The following MYBBP1A variants were observed in gnomAD, a reference collection of about 807,000 sequenced individuals.
The protein encoded by MYBBP1A is myb-binding protein 1A.
MYBBP1A carries 147 observed loss-of-function variants against 136.3 expected under a neutral mutation model. That is an observed-to-expected ratio of 1.08 (90% confidence interval 0.94 to 1.24). MYBBP1A has a LOEUF of 1.24. Among genes scored for constraint, MYBBP1A ranks in the 50% most tolerant of loss-of-function variants. MYBBP1A has a pLI of 0.00. For synonymous variants in MYBBP1A, 947 were observed against 735.8 expected (o/e 1.29, Z -4.65); for missense variants, 2,060 against 1,727.4 (o/e 1.19, Z -3.41).
At chr17:4,544,697 C>CGGGGGTGGGCGCACAGGGAGGCGGGG in intron 18 of MYBBP1A, 51 bp from the exon 19 acceptor site, 2 of 292,094 alleles carry the variant, frequency 6.8e-6, no homozygotes, top group Non-Finnish European at 5.5e-6. Context: ...CACAGGGAGG[C>CGGGGGTGGGCGCACAGGGAGGCGGGG]GGGGGTGGGC....
At chr17:4,550,007 G>T (rs1257028575) in intron 9 of MYBBP1A, 51 bp downstream of exon 9, 4 of 1,557,370 alleles carry the variant, frequency 2.6e-6, no homozygotes, top group Admixed American at 1.8e-5. Context: ...GGCTCTGCAG[G>T]CCTAGGAAGT....
Position 4,539,948 on chromosome 17 carries a change from TCTTCTCCAA to T in MYBBP1A, c.3445_3453del (p.Leu1149_Lys1151del). The T allele has an allele frequency of 6.3e-7, 1 of 1,598,372 alleles. No homozygotes were observed. The highest frequency in any genetic ancestry group is 8.5e-7 in the Non-Finnish European group (1 of 1,179,378). On this transcript the variant is annotated inframe_deletion, in exon 26 of 26. Transcript: ENST00000254718. ...GCACTGGGGATCTCCTTGGCATCCT[TCTTCTCCAA>T]CTTGGGGCGCCTGAAGGGAAGTGAG... is the stretch of plus-strand genomic sequence containing the variant.
Position 4,540,355 on chromosome 17 carries a change from C to T in MYBBP1A, c.3427G>A (p.Gly1143Arg), listed in dbSNP as rs149115057. Reference sequence around the variant, plus strand: ...CCCCCTCCCAGAACCTACTGGACTCCCAGGGTTTTCATGGCCTGCCAGTAG... The same window carrying T: ...CCCCCTCCCAGAACCTACTGGACTCTCAGGGTTTTCATGGCCTGCCAGTAG... Reference protein sequence around the residue: ...DLYWQAMKTLGVQRPKLEKKD... With the variant: ...DLYWQAMKTLRVQRPKLEKKD... The change falls in exon 25 of 26, where the codon GGA becomes AGA. Residue 1143 changes from glycine to arginine, a missense_variant. Physicochemically the swap from Gly to Arg is moderately radical, Grantham distance 125. Coordinates refer to ENST00000254718, the MANE Select transcript of MYBBP1A (RefSeq NM_014520.4). 57 of 1,606,842 alleles carry T rather than the reference C, an allele frequency of 3.5e-5. No homozygotes were observed. The African/African-American group carries it at 5.1e-4, about 14-fold the overall frequency.
chr17:4,547,108 A>G (rs2144470296), intron 13 of MYBBP1A, among the ~76,000 whole-genome samples: 1 of 151,358 alleles, frequency 6.6e-6, no homozygotes, highest in Middle Eastern at 3.5e-3. Context: ...AAGGGGTTTC[A>G]CTCTGTTGGC....
intron 4 of MYBBP1A, 29 bp from the exon 5 acceptor site, chr17:4,553,946 G>A (rs576683707): frequency 6.8e-6 from 11 of 1,613,642 alleles, no homozygotes; most frequent in Admixed American, 5.0e-5. Context: ...CAGAGGGTAT[G>A]AGCAGGGCAC....
Position 4,552,346 on chromosome 17 carries a change from T to C in MYBBP1A, c.738-54A>G, listed in dbSNP as rs1243075647. On this transcript the variant is annotated intron_variant, in intron 6 of 25. Transcript: ENST00000254718. The surrounding 1 kb of genome is among the most constrained non-coding windows in gnomAD (Gnocchi z 4.7). ...CTTGCCTCACAGGCAAGGGCCAGGG[T>C]GACAAGAGCAGCCGGGACACCCCCA... is the stretch of plus-strand genomic sequence containing the variant. The C allele has an allele frequency of 1.1e-5, 17 of 1,608,706 alleles. No homozygotes were observed. The highest frequency in any genetic ancestry group is 1.3e-5 in the African/African-American group (1 of 74,764).
rs183198863 is a variant in MYBBP1A at position 4,540,314 on chromosome 17, T to C, written c.3434+34A>G. 679 of 1,571,708 alleles carry C rather than the reference T, an allele frequency of 4.3e-4. 3 individuals are homozygous for C. The highest frequency in any genetic ancestry group is 1.8e-4 in the Non-Finnish European group (207 of 1,161,936). ...GCAGCGTGAGGGTGTTCCCAGCCCC[T>C]ACCCAAGGTGTGTGTCCCCCTCCCA... On this transcript the variant is annotated intron_variant, in intron 25 of 25. Coordinates refer to ENST00000254718, the MANE Select transcript of MYBBP1A (RefSeq NM_014520.4).
At chr17:4,550,640 C>T (rs1169363918) in intron 8 of MYBBP1A, among the ~76,000 whole-genome samples, 3 of 152,268 alleles carry the variant, frequency 2.0e-5, no homozygotes, top group East Asian at 1.9e-4. Flanking sequence ...TCAGCACCTC[C>T]GGCCCCAGAA....
Position 4,545,160 on chromosome 17 carries a change from C to G in MYBBP1A, c.2176G>C (p.Gly726Arg). Reference sequence around the variant, plus strand: ...CTCTCTGAGCTTCTGTTGTCCTCACCTTCCTCGCTCTTGTCCTGTGTGGTA... The same window carrying G: ...CTCTCTGAGCTTCTGTTGTCCTCACGTTCCTCGCTCTTGTCCTGTGTGGTA... ...LKGAEDKSEE[G>R]EDNRSSESEE... The change falls in exon 17 of 26, where the codon GGT (glycine) becomes CGT (arginine). Residue 726 changes from glycine to arginine, a missense_variant. By Grantham distance (125) the Gly-to-Arg change is moderately radical. Coordinates refer to ENST00000254718, the MANE Select transcript of MYBBP1A (RefSeq NM_014520.4). 6.2e-7 allele frequency: 1 copy of G among 1,613,478 alleles called. No homozygotes were observed.
chr17:4,553,212 C>T (rs933157065), intron 5 of MYBBP1A, among the ~76,000 whole-genome samples: 1 of 152,188 alleles, frequency 6.6e-6, no homozygotes, highest in Non-Finnish European at 1.5e-5. Context: ...AGCTGGGATT[C>T]GAATTCAGGT....
intron 21 of MYBBP1A, 41 bp from the exon 22 acceptor site, chr17:4,542,573 T>C: frequency 6.2e-7 from 1 of 1,612,944 alleles, no homozygotes; most frequent in South Asian, 1.1e-5. Flanking sequence ...CAGGCTGGGC[T>C]GAGCAGGGAC....
chr17:4,552,154 C>G lies in MYBBP1A; in HGVS notation c.876G>C (p.Gly292=). 3 of 1,614,200 alleles carry G rather than the reference C, an allele frequency of 1.9e-6. No homozygotes were observed. The highest frequency in any genetic ancestry group is 2.5e-6 in the Non-Finnish European group (3 of 1,180,018). ...PRFWKEVVEQ[G]LLKMQFWPAS... is the part of the protein sequence containing the mutation. ...CTGGCCAGAACTGCATCTTCAGCAG[C>G]CCTTGTTCCACCACCTCCTTCCAGA... is the stretch of plus-strand genomic sequence containing the variant. The change falls in exon 7 of 26, where the codon GGG becomes GGC. Residue 292 remains glycine, a synonymous_variant. Coordinates refer to ENST00000254718, the MANE Select transcript of MYBBP1A (RefSeq NM_014520.4). This position sits in a 1 kb window ranked among gnomAD's most constrained non-coding sequence, Gnocchi z 4.7.
chr17:4,543,688 C>A (rs1296944398), intron 19 of MYBBP1A, among the ~76,000 whole-genome samples: 1 of 151,902 alleles, frequency 6.6e-6, no homozygotes, highest in Non-Finnish European at 1.5e-5. Flanking sequence ...CCCCTCCTGA[C>A]TATCCACGCA....
chr17:4,539,295 T>C lies in MYBBP1A; in HGVS notation c.*120A>G, dbSNP rs1597374691. On this transcript the variant is annotated 3_prime_UTR_variant, in exon 26 of 26. Transcript: ENST00000254718. ...CCCGGGCAGGCGGCAACAGCCACCC[T>C]CCCCAGTGGCAGCGCCTTAGAAACA... 6.7e-7 allele frequency: 1 copy of C among 1,487,590 alleles called. No individual in the cohort carries two copies. Among genetic ancestry groups the C allele is most frequent in the Non-Finnish European group, 8.8e-7 (1 of 1,131,148 alleles). The allele number at this position is 1,487,590 out of a possible 1,614,324, so 92.1% of individuals were successfully genotyped here. A position where few individuals can be genotyped will look rare whatever the true frequency, so the allele number is the denominator to read the frequency against.
At position 4,545,657 on chromosome 17, in the gene MYBBP1A, G is replaced by A. The variant is rs776509847; in HGVS notation, c.2026C>T (p.His676Tyr). 91 of 1,610,970 alleles carry A rather than the reference G, an allele frequency of 5.6e-5. No homozygotes were observed. The East Asian group carries it at 1.1e-3, about 19-fold the overall frequency. ...MRQVARSVFG[H>Y]ICSHLTPRAL... is the part of the protein sequence containing the mutation. Reference sequence around the variant, plus strand: ...CGCGGGGTCAGGTGGGAGCAGATGTGGCCAAACACGCTCCGGGCCACCTGG... The same window carrying A: ...CGCGGGGTCAGGTGGGAGCAGATGTAGCCAAACACGCTCCGGGCCACCTGG... The change falls in exon 15 of 26, where the codon CAC (histidine) becomes TAC (tyrosine). Residue 676 changes from histidine to tyrosine, a missense_variant. Coordinates refer to ENST00000254718, the MANE Select transcript of MYBBP1A (RefSeq NM_014520.4).
At chr17:4,544,134 C>T (rs1199923886) in intron 19 of MYBBP1A, among the ~76,000 whole-genome samples, 4 of 151,442 alleles carry the variant, frequency 2.6e-5, no homozygotes, top group Non-Finnish European at 5.9e-5. Context: ...ACAGGTGCAC[C>T]CACTGTCCCC....
At position 4,555,103 on chromosome 17, in the gene MYBBP1A, C is replaced by T. The variant is rs1248864558; in HGVS notation, c.198+24G>A. 1.9e-6 allele frequency: 3 copies of T among 1,565,974 alleles called. No individual in the cohort carries two copies. In the East Asian group the frequency reaches 7.1e-5, roughly 37 times the overall value. ...TTCCTTGCCGGGATATGCGCAGCCT[C>T]TGCCCCAGACCCCGCCACTCCACCT... is the stretch of plus-strand genomic sequence containing the variant. On this transcript the variant is annotated intron_variant, in intron 1 of 25. Coordinates refer to ENST00000254718, the MANE Select transcript of MYBBP1A (RefSeq NM_014520.4).
Position 4,550,233 on chromosome 17 carries a change from T to C in MYBBP1A, c.1144A>G (p.Asn382Asp), listed in dbSNP as rs886209537. The change falls in exon 9 of 26, where the codon AAC becomes GAC. Residue 382 changes from asparagine (N) to aspartate (D), a missense_variant. Transcript: ENST00000254718. Reference protein sequence around the residue: ...AVLVAFSSVTNQGLPVTPTFW... With the variant: ...AVLVAFSSVTDQGLPVTPTFW... ...GTAGGCGTGACAGGGAGGCCTTGGT[T>C]GGTGACAGATGAGAAGGCCACTAGC... 2 of 1,613,744 alleles carry C rather than the reference T, an allele frequency of 1.2e-6. No homozygotes were observed.
In MYBBP1A at chr17:4,545,652, G is replaced by C; in HGVS notation, c.2031C>G (p.Ile677Met). ...GGGCACGCGGGGTCAGGTGGGAGCAGATGTGGCCAAACACGCTCCGGGCCA... is the reference window on the plus strand; with the variant it reads ...GGGCACGCGGGGTCAGGTGGGAGCACATGTGGCCAAACACGCTCCGGGCCA... ...RQVARSVFGH[I>M]CSHLTPRALQ... Residue 677 changes from isoleucine (I) to methionine (M), a missense_variant, in exon 15 of 26, where the codon ATC (isoleucine) becomes ATG (methionine). By Grantham distance (10) the Ile-to-Met change is conservative. Transcript: ENST00000254718. 6.2e-7 allele frequency: 1 copy of C among 1,610,422 alleles called. No individual in the cohort carries two copies. Among genetic ancestry groups the C allele is most frequent in the Non-Finnish European group, 8.5e-7 (1 of 1,177,486 alleles).
Sources: allele counts gnomAD v4.1 joint callset (sites outside exome capture counted in the v4.1 genomes callset), GRCh38; gene constraint gnomAD v4.1.1; non-coding constraint Gnocchi (gnomAD v3.1); transcripts MANE v1.5; gene names NCBI Gene and HGNC (gene_info 2026-07-23, HGNC 2026-07-21).